The following TMEM178B variants were observed in gnomAD, a reference collection of about 807,000 sequenced individuals.
The protein encoded by TMEM178B is transmembrane protein 178B.
In TMEM178B, 5 loss-of-function variants were observed where a neutral mutation model predicts 31.0. The observed-to-expected ratio is 0.16, with a 90% CI of 0.08 to 0.34. TMEM178B has a LOEUF of 0.34. Ranked by LOEUF, TMEM178B falls within the 10% of genes least tolerant of loss-of-function variation. The pLI, the probability that TMEM178B is intolerant of heterozygous loss-of-function variation, is 1.00. For synonymous variants in TMEM178B, 164 were observed against 164.0 expected (o/e 1.00, Z 0.00); for missense variants, 275 against 400.3 (o/e 0.69, Z 2.67).
At chr7:141,195,185 C>T (rs1796762383) in intron 1 of TMEM178B, among the ~76,000 whole-genome samples, 1 of 152,250 alleles carries the variant, frequency 6.6e-6, no homozygotes, top group East Asian at 1.9e-4. Flanking sequence ...CACATTTCTG[C>T]AGCTGGCTTG....
chr7:141,321,324 C>T (rs1799094577), intron 2 of TMEM178B, among the ~76,000 whole-genome samples: 1 of 152,210 alleles, frequency 6.6e-6, no homozygotes, highest in South Asian at 2.1e-4. Context: ...AGCAGATTGC[C>T]CCTCACAGGC....
At chr7:141,131,839 G>A (rs949027021) in intron 1 of TMEM178B, among the ~76,000 whole-genome samples, 2 of 152,128 alleles carry the variant, frequency 1.3e-5, no homozygotes, top group African/African-American at 2.4e-5. Context: ...TTTGGTAAGT[G>A]CATGTTTTAG....
chr7:141,280,372 C>T (rs1798336154), intron 2 of TMEM178B, among the ~76,000 whole-genome samples: 1 of 152,052 alleles, frequency 6.6e-6, no homozygotes, highest in Admixed American at 6.6e-5. Flanking sequence ...GTGGGATGGA[C>T]CCGTGGGAGA....
chr7:141,347,089 A>G (rs879576820), intron 2 of TMEM178B, among the ~76,000 whole-genome samples: 6 of 152,150 alleles, frequency 3.9e-5, no homozygotes, highest in Admixed American at 3.3e-4. Context: ...CCATGATTGT[A>G]AGTTTCCTGA....
chr7:141,167,340 C>A (rs1796278029), intron 1 of TMEM178B, among the ~76,000 whole-genome samples: 1 of 152,244 alleles, frequency 6.6e-6, no homozygotes, highest in Non-Finnish European at 1.5e-5. Context: ...TGACTGCAAG[C>A]AGATCCAATA....
intron 2 of TMEM178B, among the ~76,000 whole-genome samples, chr7:141,282,894 T>C (rs756541365): frequency 1.3e-5 from 2 of 152,234 alleles, no homozygotes; most frequent in Non-Finnish European, 2.9e-5. Flanking sequence ...TGAAAAATTC[T>C]AGGTATAATG....
At chr7:141,099,869 G>T (rs1196851595) in intron 1 of TMEM178B, among the ~76,000 whole-genome samples, 1 of 144,546 alleles carries the variant, frequency 6.9e-6, no homozygotes, top group South Asian at 2.2e-4. Context: ...TGGCTTTGTC[G>T]TCCAGGCTGG....
At chr7:141,154,657 T>C (rs1460677321) in intron 1 of TMEM178B, among the ~76,000 whole-genome samples, 1 of 152,020 alleles carries the variant, frequency 6.6e-6, no homozygotes, top group Non-Finnish European at 1.5e-5. Flanking sequence ...TGGATACTTA[T>C]AGTTCTGTTT....
chr7:141,350,282 G>A (rs939425012), intron 2 of TMEM178B, among the ~76,000 whole-genome samples: 4 of 151,846 alleles, frequency 2.6e-5, no homozygotes, highest in African/African-American at 9.7e-5. Flanking sequence ...ATCGAGAAAA[G>A]CCCTCTCCAT....
intron 2 of TMEM178B, among the ~76,000 whole-genome samples, chr7:141,399,738 A>G (rs1296116265): frequency 6.6e-6 from 1 of 152,184 alleles, no homozygotes. Flanking sequence ...TAAAGGGAGT[A>G]TCAGATGGCT....
At chr7:141,204,082 C>A (rs1486515243) in intron 1 of TMEM178B, among the ~76,000 whole-genome samples, 1 of 152,212 alleles carries the variant, frequency 6.6e-6, no homozygotes, top group Admixed American at 6.5e-5. Context: ...GCATGTAAAC[C>A]TGTCTGCTAC....
chr7:141,201,210 A>G (rs2129186304), intron 1 of TMEM178B, among the ~76,000 whole-genome samples: 1 of 152,350 alleles, frequency 6.6e-6, no homozygotes, highest in Middle Eastern at 3.4e-3. Flanking sequence ...CAAAGCTAAG[A>G]GGAGGCCAGG....
chr7:141,387,498 C>T (rs576360009), intron 2 of TMEM178B, among the ~76,000 whole-genome samples: 2 of 152,154 alleles, frequency 1.3e-5, no homozygotes, highest in Non-Finnish European at 2.9e-5. Flanking sequence ...AGGTAAATTA[C>T]AAAACAACAT....
At chr7:141,312,056 G>A (rs1424198181) in intron 2 of TMEM178B, among the ~76,000 whole-genome samples, 1 of 152,182 alleles carries the variant, frequency 6.6e-6, no homozygotes, top group Non-Finnish European at 1.5e-5. Context: ...GGGCCCTGTG[G>A]CCTCTACTCT....
At chr7:141,250,031 A>T (rs1012236378) in intron 2 of TMEM178B, among the ~76,000 whole-genome samples, 1 of 152,216 alleles carries the variant, frequency 6.6e-6, no homozygotes, top group Non-Finnish European at 1.5e-5. Context: ...AAAATGAAAT[A>T]TTTTTGGGGC....
chr7:141,247,506 G>A (rs1797756748), intron 2 of TMEM178B, among the ~76,000 whole-genome samples: 1 of 152,154 alleles, frequency 6.6e-6, no homozygotes, highest in African/African-American at 2.4e-5. Flanking sequence ...GAATTCAGCT[G>A]CCTCCAAGCG....
In TMEM178B at chr7:141,480,115, G is replaced by A. The variant is rs1263818985; in HGVS notation, c.*9329G>A. 1 of 152,100 alleles carries A rather than the reference G, an allele frequency of 6.6e-6. No individual in the cohort carries two copies. The allele number at this position is 152,100 out of a possible 1,614,324, so 9.4% of individuals were successfully genotyped here. Reference sequence around the variant, plus strand: ...AAATTTAACAGGGAAGTGGGAGGGGGGATGAAAAGGGAAATTGCCAGGTTC... The same window carrying A: ...AAATTTAACAGGGAAGTGGGAGGGGAGATGAAAAGGGAAATTGCCAGGTTC... On this transcript the variant is annotated 3_prime_UTR_variant, in exon 4 of 4. Coordinates refer to ENST00000565468, the MANE Select transcript of TMEM178B (RefSeq NM_001195278.2).
intron 3 of TMEM178B, among the ~76,000 whole-genome samples, chr7:141,449,987 C>T (rs1563185594): frequency 6.6e-6 from 1 of 152,172 alleles, no homozygotes; most frequent in East Asian, 1.9e-4. Flanking sequence ...ACCTGCTCAT[C>T]CTAACAGAGT....
intron 2 of TMEM178B, among the ~76,000 whole-genome samples, chr7:141,223,400 G>A (rs1296284425): frequency 6.6e-6 from 1 of 152,018 alleles, no homozygotes; most frequent in Non-Finnish European, 1.5e-5. Flanking sequence ...GTGCATGGAA[G>A]GGCCTCTTCA....
Sources: allele counts gnomAD v4.1 joint callset (sites outside exome capture counted in the v4.1 genomes callset), GRCh38; gene constraint gnomAD v4.1.1; transcripts MANE v1.5; gene names NCBI Gene and HGNC (gene_info 2026-07-23, HGNC 2026-07-21).